HADHA: variants seen among roughly 807,000 people sequenced by gnomAD.
HADHA encodes the protein trifunctional enzyme subunit alpha, mitochondrial.
HADHA carries 59 observed loss-of-function variants against 91.3 expected under a neutral mutation model. The ratio of observed to expected loss-of-function variants is 0.65; its 90% confidence interval spans 0.52 to 0.80. The LOEUF (loss-of-function observed/expected upper bound fraction) is 0.80. Ranked by LOEUF, HADHA falls within the 30% of genes least tolerant of loss-of-function variation. The pLI, the probability that HADHA is intolerant of heterozygous loss-of-function variation, is 0.00. For missense variants in HADHA, 800 were observed against 927.6 expected (o/e 0.86, Z 1.79); for synonymous variants, 320 against 338.9 (o/e 0.94, Z 0.61).
intron 11 of HADHA, among the ~76,000 whole-genome samples, chr2:26,206,226 ATTT>A (rs35956519): frequency 1.4e-5 from 2 of 139,584 alleles, no homozygotes; most frequent in East Asian, 2.1e-4. Flanking sequence ...CAGACTGGCA[ATTT>A]TTTTTTTTTT....
chr2:26,195,429 C>G (rs1001614971), intron 14 of HADHA, among the ~76,000 whole-genome samples, 197 bp from the exon 15 acceptor site: 1 of 152,064 alleles, frequency 6.6e-6, no homozygotes, highest in Non-Finnish European at 1.5e-5. Context: ...TGGAATCCTC[C>G]TCTTCCATTT....
chr2:26,212,029 C>T (rs1670112706), intron 10 of HADHA: 1 of 158,258 alleles, frequency 6.3e-6, no homozygotes, highest in African/African-American at 2.4e-5. Flanking sequence ...TTCGTAGAGA[C>T]AACCTTATTA....
In HADHA at chr2:26,194,634, C is replaced by T. The variant is rs766024832; in HGVS notation, c.1625G>A (p.Gly542Glu). ...ACACCTGGTAGTATAGAAGCCAGGT[C>T]CATCCTGCCAAGGAAGAGAACATGA... is the stretch of plus-strand genomic sequence containing the variant. ...QGKVIIVVKD[G>E]PGFYTTRCLA... Residue 542 changes from glycine to glutamate, a missense_variant, in exon 16 of 20, where the codon GGA becomes GAA. By Grantham distance (98) the Gly-to-Glu change is moderately conservative. Coordinates refer to ENST00000380649, the MANE Select transcript of HADHA (RefSeq NM_000182.5). The T allele has an allele frequency of 6.2e-6, 10 of 1,605,488 alleles. No individual in the cohort carries two copies. Among genetic ancestry groups the T allele is most frequent in the Non-Finnish European group, 8.5e-6 (10 of 1,172,762 alleles).
chr2:26,214,785 A>G lies in HADHA; in HGVS notation c.800-224T>C, dbSNP rs912281088. Among the ~76,000 whole-genome samples, 31 of 152,188 alleles carry G rather than the reference A, an allele frequency of 2.0e-4. No homozygotes were observed. Among genetic ancestry groups the G allele is most frequent in the African/African-American group, 6.5e-4 (27 of 41,446 alleles). Reference sequence around the variant, plus strand: ...GTACATGAGTGTTTATAACACTGTTATCTAGTCTTTTTGTGTTCATGCTTA... The same window carrying G: ...GTACATGAGTGTTTATAACACTGTTGTCTAGTCTTTTTGTGTTCATGCTTA... On this transcript the variant is annotated intron_variant, in intron 8 of 19. Coordinates refer to ENST00000380649, the MANE Select transcript of HADHA (RefSeq NM_000182.5). The surrounding 1 kb of genome is among the most constrained non-coding windows in gnomAD (Gnocchi z 4.1).
At position 26,236,851 on chromosome 2, in the gene HADHA, T is replaced by C. The variant is rs1470770405; in HGVS notation, c.314+4A>G. 3.1e-6 allele frequency: 5 copies of C among 1,608,242 alleles called. No homozygotes were observed. The highest frequency in any genetic ancestry group is 4.3e-6 in the Non-Finnish European group (5 of 1,176,088). ...AAGGTGACTTCAAGTTTCCTAAAAC[T>C]TACTTGATATCAGCACCTGCAATAA... On this transcript the variant is annotated splice_donor_region_variant and intron_variant, in intron 4 of 19. Coordinates refer to ENST00000380649, the MANE Select transcript of HADHA (RefSeq NM_000182.5).
intron 11 of HADHA, among the ~76,000 whole-genome samples, chr2:26,204,956 T>C (rs1164599993): frequency 6.6e-6 from 1 of 152,228 alleles, no homozygotes; most frequent in African/African-American, 2.4e-5. Flanking sequence ...CTCCATGGTC[T>C]CTTTGCTTCC....
intron 18 of HADHA, 113 bp from the exon 19 acceptor site, chr2:26,191,741 T>C (rs539850142): frequency 2.8e-6 from 3 of 1,066,270 alleles, no homozygotes; most frequent in Non-Finnish European, 4.4e-6. Context: ...TGTGGGCCGG[T>C]TGGTGCTGGC....
intron 9 of HADHA, among the ~76,000 whole-genome samples, chr2:26,213,924 C>T (rs899547083): frequency 3.3e-5 from 5 of 152,242 alleles, no homozygotes; most frequent in East Asian, 1.9e-4. Flanking sequence ...CTGAAAAGTT[C>T]TAAGTTTTAA....
chr2:26,242,185 T>C (rs13021869), intron 1 of HADHA, among the ~76,000 whole-genome samples: 2 of 152,174 alleles, frequency 1.3e-5, no homozygotes, highest in African/African-American at 2.4e-5. Flanking sequence ...CCACCGTGCC[T>C]GGCCCCTTTC....
In HADHA at chr2:26,192,387, C is replaced by G. The variant is rs754472544; in HGVS notation, c.1923G>C (p.Glu641Asp). 1 of 1,607,802 alleles carries G rather than the reference C, an allele frequency of 6.2e-7. No individual in the cohort carries two copies. ...KSGKGFYIYQ[E>D]GVKRKDLNSD... The stretch of plus-strand genomic sequence containing the variant: ...AATTCAAATCCTTCCTCTTCACACC[C>G]TCCTGATAGATGTAAAAGCCCTTCC... Residue 641 changes from glutamate to aspartate, a missense_variant, in exon 18 of 20, where the codon GAG becomes GAC. Glu to Asp is a conservative substitution (Grantham distance 45, BLOSUM62 2). Coordinates refer to ENST00000380649, the MANE Select transcript of HADHA (RefSeq NM_000182.5).
At chr2:26,231,872 G>A (rs1435154356) in intron 6 of HADHA, among the ~76,000 whole-genome samples, 1 of 151,796 alleles carries the variant, frequency 6.6e-6, no homozygotes, top group Admixed American at 6.6e-5. Flanking sequence ...GGGAGGCTGA[G>A]GCAGGAGAAT....
Position 26,207,163 on chromosome 2 carries a change from A to G in HADHA, c.1085+2617T>C, listed in dbSNP as rs535935702. Among the ~76,000 whole-genome samples, 266 of 152,056 alleles carry G rather than the reference A, an allele frequency of 1.7e-3. 2 individuals are homozygous for G. Among genetic ancestry groups the G allele is most frequent in the Middle Eastern group, 6.8e-3 (2 of 294 alleles). On this transcript the variant is annotated intron_variant, in intron 11 of 19. Coordinates refer to ENST00000380649, the MANE Select transcript of HADHA (RefSeq NM_000182.5). ...TGGTGAGCTGTGATTATGCCATCGCACTCCAGCCGGGGTGACAGAATGAGA... is the reference window on the plus strand; with the variant it reads ...TGGTGAGCTGTGATTATGCCATCGCGCTCCAGCCGGGGTGACAGAATGAGA...
At position 26,222,862 on chromosome 2, in the gene HADHA, C is replaced by T. The variant is rs759814343; in HGVS notation, c.676+7330G>A. ...GGATGGACTACTGAAGACTCCATCA[C>T]AGTGCCAGCTAAGTGGCAGTATTTT... On this transcript the variant is annotated intron_variant, in intron 7 of 19. Coordinates refer to ENST00000380649, the MANE Select transcript of HADHA (RefSeq NM_000182.5). 2.6e-5 allele frequency among the ~76,000 whole-genome samples: 4 copies of T among 152,198 alleles called. No homozygotes were observed. In the East Asian group the frequency reaches 7.7e-4, roughly 29 times the overall value.
chr2:26,239,674 G>A (rs1466017185), intron 1 of HADHA, among the ~76,000 whole-genome samples: 1 of 150,916 alleles, frequency 6.6e-6, no homozygotes, highest in African/African-American at 2.4e-5. Context: ...GGGAAGAGAA[G>A]GCACAAAAAA....
intron 11 of HADHA, among the ~76,000 whole-genome samples, chr2:26,207,786 AG>A (rs1382674743): frequency 1.3e-5 from 2 of 152,172 alleles, no homozygotes; most frequent in Non-Finnish European, 2.9e-5. Flanking sequence ...TTTTTTCATA[AG>A]TACTGCTCTT....
intron 4 of HADHA, chr2:26,235,226 T>C (rs1475934891): frequency 3.3e-5 from 5 of 151,992 alleles, no homozygotes; most frequent in African/African-American, 9.7e-5. Context: ...AGAGAATCAC[T>C]GGAACCTGGG....
chr2:26,238,791 T>A, intron 3 of HADHA, 143 bp downstream of exon 3: 1 of 703,316 alleles, frequency 1.4e-6, no homozygotes, highest in Non-Finnish European at 2.6e-6. Context: ...CTGTCAAAGT[T>A]TAACATAACT....
rs146406360 is a variant in HADHA at position 26,191,516 on chromosome 2, C to T, written c.2113G>A (p.Val705Ile). ...CAAGGCGGGAAGCCAAGCCCAAAGA[C>T]GGCTCCGATGTCTCCCTCTGCAGGT... The part of the protein sequence containing the change: ...ATPAEGDIGA[V>I]FGLGFPPCLG... Residue 705 changes from valine to isoleucine, a missense_variant, in exon 19 of 20, where the codon GTC becomes ATC. By Grantham distance (29) the Val-to-Ile change is conservative. Transcript: ENST00000380649. The T allele has an allele frequency of 2.2e-4, 351 of 1,614,198 alleles. 2 individuals are homozygous for T. Among genetic ancestry groups the T allele is most frequent in the Non-Finnish European group, 2.3e-4 (267 of 1,180,036 alleles).
intron 3 of HADHA, among the ~76,000 whole-genome samples, chr2:26,237,809 C>T: frequency 6.6e-6 from 1 of 152,082 alleles, no homozygotes; most frequent in Admixed American, 6.5e-5. Flanking sequence ...CTACCATTGA[C>T]ATATATTACT....
Sources: allele counts gnomAD v4.1 joint callset (sites outside exome capture counted in the v4.1 genomes callset), GRCh38; gene constraint gnomAD v4.1.1; non-coding constraint Gnocchi (gnomAD v3.1); transcripts MANE v1.5; gene names NCBI Gene and HGNC (gene_info 2026-07-23, HGNC 2026-07-21).